WDPCP: variants seen among roughly 807,000 people sequenced by gnomAD.
The protein encoded by WDPCP is WD repeat-containing and planar cell polarity effector protein fritz homolog.
In WDPCP, 71 loss-of-function variants were observed where a neutral mutation model predicts 93.1. That is an observed-to-expected ratio of 0.76 (90% CI 0.63 to 0.93). The LOEUF (loss-of-function observed/expected upper bound fraction) is 0.93. WDPCP is among the 40% of genes least tolerant of loss of function. The pLI is 0.00. For missense variants in WDPCP, 844 were observed against 887.4 expected (o/e 0.95, Z 0.62); for synonymous variants, 315 against 315.0 (o/e 1.00, Z 0.00).
At chr2:63,653,920 A>AAAG (rs1710137084) in intron 2 of WDPCP, among the ~76,000 whole-genome samples, 1 of 151,826 alleles carries the variant, frequency 6.6e-6, no homozygotes, top group African/African-American at 2.4e-5. Context: ...AAAAAAAAAA[A>AAAG]AAAAATTACT....
chr2:63,823,865 A>G (rs1295444213), intron 1 of WDPCP, among the ~76,000 whole-genome samples: 1 of 152,196 alleles, frequency 6.6e-6, no homozygotes, highest in African/African-American at 2.4e-5. Flanking sequence ...TGATACTGGA[A>G]AAGCACAACA....
At chr2:63,676,514 A>T (rs1160780742) in intron 2 of WDPCP, among the ~76,000 whole-genome samples, 1 of 152,180 alleles carries the variant, frequency 6.6e-6, no homozygotes, top group Non-Finnish European at 1.5e-5. Flanking sequence ...AAAATTTATC[A>T]GTGCCCCATA....
Position 63,711,482 on chromosome 2 carries a change from C to T in WDPCP, n.309-60644G>A, listed in dbSNP as rs77628148. On this transcript the variant is annotated intron_variant and non_coding_transcript_variant, in intron 2 of 4. Coordinates refer to the WDPCP transcript ENST00000467687. ...TTACAGAAATAGCTTCTAGGCCAAG[C>T]GCAGTGGCTCATACCTATAATCCCA... The T allele has an allele frequency of 5.3e-3, 809 of 152,244 alleles. 3 individuals are homozygous for T. The highest frequency in any genetic ancestry group is 8.8e-3 in the Non-Finnish European group (600 of 68,026). The allele number at this position is 152,244 out of a possible 1,614,324, so 9.4% of individuals were successfully genotyped here. A position where few individuals can be genotyped will look rare whatever the true frequency, so the allele number is the denominator to read the frequency against.
rs190828553 is a variant in WDPCP at position 63,124,137 on chromosome 2, A to G, written c.2191-2081T>C. Among the ~76,000 whole-genome samples the G allele has an allele frequency of 2.7e-5, 4 of 149,620 alleles. No homozygotes were observed. In the East Asian group the frequency reaches 7.8e-4, roughly 29 times the overall value. ...GTTTGTAGGATTATTTCCTTGGTAT[A>G]GAACTGTAGAAATAGAATTATTGGA... On this transcript the variant is annotated intron_variant, in intron 17 of 17. Transcript: ENST00000272321.
intron 1 of WDPCP, among the ~76,000 whole-genome samples, chr2:63,576,592 T>C (rs1021262786): frequency 1.3e-5 from 2 of 152,186 alleles, no homozygotes; most frequent in African/African-American, 2.4e-5. Context: ...GGTTTCTTTA[T>C]GTAGGCATGA....
chr2:63,215,701 T>C (rs1313757206), intron 14 of WDPCP, among the ~76,000 whole-genome samples: 1 of 152,122 alleles, frequency 6.6e-6, no homozygotes, highest in East Asian at 1.9e-4. Context: ...AAAGCCAAAA[T>C]TGACAAATGG....
At chr2:63,706,189 G>A (rs1205242221) in intron 2 of WDPCP, among the ~76,000 whole-genome samples, 1 of 151,998 alleles carries the variant, frequency 6.6e-6, no homozygotes, top group Non-Finnish European at 1.5e-5. Flanking sequence ...GCCTACGTGT[G>A]TCTCTGCACG....
At chr2:63,331,054 G>A (rs192617946) in intron 12 of WDPCP, among the ~76,000 whole-genome samples, 55 of 152,122 alleles carry the variant, frequency 3.6e-4, no homozygotes, top group Non-Finnish European at 6.8e-4. Context: ...AGTAGAGGCA[G>A]GGTTTTGCTC....
chr2:63,158,965 C>A (rs1672453110), intron 15 of WDPCP, among the ~76,000 whole-genome samples: 1 of 99,450 alleles, frequency 1.0e-5, no homozygotes, highest in Non-Finnish European at 1.9e-5. Context: ...GGTAAAACCT[C>A]ATCTCTACAA....
At chr2:63,479,789 A>G (rs900924838) in intron 6 of WDPCP, among the ~76,000 whole-genome samples, 1 of 152,084 alleles carries the variant, frequency 6.6e-6, no homozygotes, top group African/African-American at 2.4e-5. Flanking sequence ...TCTATTCAAC[A>G]TAGTACTGGA....
At chr2:63,141,228 G>A (rs898662126) in intron 17 of WDPCP, among the ~76,000 whole-genome samples, 3 of 151,986 alleles carry the variant, frequency 2.0e-5, no homozygotes, top group Non-Finnish European at 4.4e-5. Context: ...ACAGGCGTGC[G>A]CCACCAGGCC....
chr2:63,199,502 G>A (rs956681245), intron 14 of WDPCP, among the ~76,000 whole-genome samples: 1 of 152,220 alleles, frequency 6.6e-6, no homozygotes, highest in African/African-American at 2.4e-5. Context: ...GCTAAAATGA[G>A]CCAAGGTATA....
chr2:63,311,738 A>T (rs1188686722), intron 13 of WDPCP, among the ~76,000 whole-genome samples: 1 of 152,158 alleles, frequency 6.6e-6, no homozygotes, highest in East Asian at 1.9e-4. Context: ...CCGAAAGCTG[A>T]AAGAGATATG....
At chr2:63,503,738 A>C (rs1179853811) in intron 1 of WDPCP, among the ~76,000 whole-genome samples, 1 of 152,156 alleles carries the variant, frequency 6.6e-6, no homozygotes, top group African/African-American at 2.4e-5. Flanking sequence ...CTTTGAAGAG[A>C]AAATAAATTG....
chr2:63,211,867 CA>C (rs1676843532), intron 14 of WDPCP, among the ~76,000 whole-genome samples: 1 of 152,038 alleles, frequency 6.6e-6, no homozygotes, highest in Non-Finnish European at 1.5e-5. Flanking sequence ...TAAAGGGTAT[CA>C]GTGATTGAAG....
chr2:63,338,562 AAAAAAAAATATATATATAT>A lies in WDPCP; in HGVS notation c.1749-25270_1749-25252del, dbSNP rs1294434247. ...AGCAAAACTCCATCTAAAAAAAAAA[AAAAAAAAATATATATATAT>A]ATATATATATATATATATATATATA... On this transcript the variant is annotated intron_variant, in intron 12 of 17. Coordinates refer to ENST00000272321, the MANE Select transcript of WDPCP (RefSeq NM_015910.7). Among the ~76,000 whole-genome samples, 41 of 61,978 alleles carry A rather than the reference AAAAAAAAATATATATATAT, an allele frequency of 6.6e-4. 2 individuals are homozygous for A. The South Asian group carries it at 0.022, about 33-fold the overall frequency. 40.7% of individuals were successfully genotyped at this position (61,978 alleles called of 152,430 possible).
chr2:63,627,988 C>G (rs1709827270), intron 3 of WDPCP, among the ~76,000 whole-genome samples: 1 of 152,184 alleles, frequency 6.6e-6, no homozygotes. Flanking sequence ...AAAGAGCGCA[C>G]TGTAACGCAC....
At chr2:63,312,174 A>T (rs1351725710) in intron 13 of WDPCP, among the ~76,000 whole-genome samples, 1 of 152,150 alleles carries the variant, frequency 6.6e-6, no homozygotes, top group Non-Finnish European at 1.5e-5. Context: ...TTGAAATTAG[A>T]TTTTTTATGA....
chr2:63,644,249 T>TTC, intron 3 of WDPCP, among the ~76,000 whole-genome samples: 1 of 148,174 alleles, frequency 6.7e-6, no homozygotes, highest in East Asian at 2.0e-4. Context: ...TCTACTTTTT[T>TTC]TTTTTTTTTT....
Sources: gnomAD v4.1 joint callset for allele counts (sites outside exome capture counted in the v4.1 genomes callset) on GRCh38, gnomAD v4.1.1 for gene constraint, MANE v1.5 for transcripts, NCBI Gene and HGNC (gene_info 2026-07-23, HGNC 2026-07-21) for gene names.